The following SERGEF variants were observed in gnomAD, a reference collection of about 807,000 sequenced individuals.
The protein encoded by SERGEF is secretion regulating guanine nucleotide exchange factor.
In SERGEF, 51 loss-of-function variants were observed where a neutral mutation model predicts 50.0. The ratio of observed to expected loss-of-function variants is 1.02; its 90% confidence interval spans 0.81 to 1.29. SERGEF has a LOEUF of 1.29. Ranked by LOEUF, SERGEF falls within the 50% of genes most tolerant of loss-of-function variation. SERGEF has a pLI of 0.00. For synonymous variants in SERGEF, 205 were observed against 212.4 expected (o/e 0.97, Z 0.30); for missense variants, 521 against 557.0 (o/e 0.94, Z 0.65).
chr11:17,913,847 T>G (rs774518471), intron 9 of SERGEF, among the ~76,000 whole-genome samples: 5 of 152,196 alleles, frequency 3.3e-5, no homozygotes, highest in Non-Finnish European at 7.4e-5. Flanking sequence ...CAGCCCTCAG[T>G]AGAGCCCACC....
intron 8 of SERGEF, among the ~76,000 whole-genome samples, chr11:17,977,757 C>T (rs566914928): frequency 2.6e-5 from 4 of 152,030 alleles, no homozygotes; most frequent in African/African-American, 9.7e-5. Context: ...AAAAGAAACC[C>T]CAGAGAGCTC....
intron 10 of SERGEF, among the ~76,000 whole-genome samples, chr11:17,799,556 AC>A (rs1321909430): frequency 6.6e-6 from 1 of 152,204 alleles, no homozygotes; most frequent in African/African-American, 2.4e-5. Flanking sequence ...AAGCCTGGTC[AC>A]CACCAGAGCC....
chr11:17,841,808 A>G (rs1850507968), intron 10 of SERGEF, among the ~76,000 whole-genome samples: 1 of 151,986 alleles, frequency 6.6e-6, no homozygotes, highest in South Asian at 2.1e-4. Flanking sequence ...TGACCTTCTC[A>G]CTTCTTTGAA....
At chr11:17,879,325 T>C (rs1010114453) in intron 9 of SERGEF, among the ~76,000 whole-genome samples, 4 of 152,218 alleles carry the variant, frequency 2.6e-5, no homozygotes, top group Non-Finnish European at 4.4e-5. Context: ...CTCTAGGCTT[T>C]AGAGAATTAT....
chr11:17,790,665 TG>T (rs1849470665), intron 10 of SERGEF, among the ~76,000 whole-genome samples: 2 of 152,260 alleles, frequency 1.3e-5, no homozygotes, highest in Admixed American at 1.3e-4. Flanking sequence ...GGGTGATCCC[TG>T]GGAGTATATG....
In SERGEF at chr11:17,958,204, G is replaced by A. The variant is rs543918184; in HGVS notation, c.1011+1266C>T. Among the ~76,000 whole-genome samples, 6 of 152,344 alleles carry A rather than the reference G, an allele frequency of 3.9e-5. No individual in the cohort carries two copies. The East Asian group carries it at 1.2e-3, about 29-fold the overall frequency. On this transcript the variant is annotated intron_variant, in intron 9 of 10. Coordinates refer to ENST00000265965, the MANE Select transcript of SERGEF (RefSeq NM_012139.4). ...GAAGCGTCCTACATACCCGGAAGGAGGAGGCCAGGCAGGGCCCTGGGGAAG... is the reference window on the plus strand; with the variant it reads ...GAAGCGTCCTACATACCCGGAAGGAAGAGGCCAGGCAGGGCCCTGGGGAAG...
chr11:17,918,923 C>T (rs1361874037), intron 9 of SERGEF: 4 of 333,484 alleles, frequency 1.2e-5, no homozygotes, highest in Admixed American at 4.3e-5. Context: ...GTTCACTTAA[C>T]GTGACTTTGG....
chr11:17,993,080 C>T (rs1034138645), intron 6 of SERGEF, 87 bp from the exon 7 acceptor site: 12 of 1,085,028 alleles, frequency 1.1e-5, no homozygotes, highest in African/African-American at 3.1e-5. Flanking sequence ...ACCACCTGGG[C>T]GTGGGAGAGA....
At chr11:17,830,052 T>C (rs1201711285) in intron 10 of SERGEF, among the ~76,000 whole-genome samples, 1 of 152,210 alleles carries the variant, frequency 6.6e-6, no homozygotes, top group East Asian at 1.9e-4. Context: ...GGTGACACCT[T>C]TCCTGACAGG....
At chr11:17,811,897 T>C (rs186477671) in intron 10 of SERGEF, among the ~76,000 whole-genome samples, 47 of 152,350 alleles carry the variant, frequency 3.1e-4, no homozygotes, top group African/African-American at 1.1e-3. Context: ...AAGTCATTTC[T>C]GTACTTGCAG....
chr11:17,807,275 A>T (rs1389374741), intron 10 of SERGEF, among the ~76,000 whole-genome samples: 5 of 152,138 alleles, frequency 3.3e-5, no homozygotes, highest in Non-Finnish European at 5.9e-5. Context: ...ATCCCTGATG[A>T]GCTGCCCCGG....
chr11:17,844,606 T>C (rs1850567735), intron 10 of SERGEF, among the ~76,000 whole-genome samples: 1 of 152,162 alleles, frequency 6.6e-6, no homozygotes, highest in Non-Finnish European at 1.5e-5. Flanking sequence ...GCCAAAGCCT[T>C]GCGTCTTCCT....
chr11:17,912,027 G>T (rs1249225350), intron 9 of SERGEF, among the ~76,000 whole-genome samples: 1 of 152,150 alleles, frequency 6.6e-6, no homozygotes, highest in Admixed American at 6.5e-5. Flanking sequence ...GAGGGGCTTG[G>T]TAAGTGGAGG....
At chr11:17,805,158 T>C (rs577259022) in intron 10 of SERGEF, among the ~76,000 whole-genome samples, 1 of 152,340 alleles carries the variant, frequency 6.6e-6, no homozygotes, top group East Asian at 1.9e-4. Flanking sequence ...AACAGCCACA[T>C]GGCTCCATGG....
rs1590212428 is a variant in SERGEF, at chr11:17,946,935, T to A, written c.1011+12535A>T. On this transcript the variant is annotated intron_variant, in intron 9 of 10. Coordinates refer to ENST00000265965, the MANE Select transcript of SERGEF (RefSeq NM_012139.4). ...TAGATGGAGATGGAGCCCCCAAGGC[T>A]TCTCCAAGTGCCTGCTATGTGACTT... is the stretch of plus-strand genomic sequence containing the variant. Among the ~76,000 whole-genome samples, 3 of 152,164 alleles carry A rather than the reference T, an allele frequency of 2.0e-5. No individual in the cohort carries two copies. The South Asian group carries it at 6.2e-4, about 32-fold the overall frequency.
chr11:17,915,290 G>A (rs1852028557), intron 9 of SERGEF, among the ~76,000 whole-genome samples: 1 of 152,104 alleles, frequency 6.6e-6, no homozygotes, highest in African/African-American at 2.4e-5. Flanking sequence ...TGAATTTTGG[G>A]ACAAGTTATT....
intron 10 of SERGEF, among the ~76,000 whole-genome samples, chr11:17,808,568 T>C (rs550224094): frequency 1.3e-5 from 2 of 152,132 alleles, no homozygotes; most frequent in Non-Finnish European, 2.9e-5. Flanking sequence ...ACCTCCAACA[T>C]TGGAAATCAC....
At chr11:17,969,490 A>G (rs1235454544) in intron 8 of SERGEF, among the ~76,000 whole-genome samples, 1 of 152,198 alleles carries the variant, frequency 6.6e-6, no homozygotes, top group Non-Finnish European at 1.5e-5. Context: ...CACACCCTAC[A>G]GAAAAGCTAG....
chr11:18,000,977 C>T (rs1186184100), intron 4 of SERGEF, among the ~76,000 whole-genome samples: 1 of 152,130 alleles, frequency 6.6e-6, no homozygotes, highest in Non-Finnish European at 1.5e-5. Context: ...ACTTTATTTA[C>T]CAAGGGCTCA....
Sources: allele counts gnomAD v4.1 joint callset (sites outside exome capture counted in the v4.1 genomes callset), GRCh38; gene constraint gnomAD v4.1.1; transcripts MANE v1.5; gene names NCBI Gene and HGNC (gene_info 2026-07-23, HGNC 2026-07-21).